The following HS2ST1 variants were observed in gnomAD, a reference collection of about 807,000 sequenced individuals.
The protein encoded by HS2ST1 is 2-O-sulfotransferase.
In HS2ST1, 18 loss-of-function variants were observed where a neutral mutation model predicts 42.9. The ratio of observed to expected loss-of-function variants is 0.42; its 90% confidence interval spans 0.29 to 0.62. The LOEUF is 0.62. Ranked by LOEUF, HS2ST1 falls within the 20% of genes least tolerant of loss-of-function variation. HS2ST1 has a pLI of 0.21. For synonymous variants in HS2ST1, 146 were observed against 152.9 expected, an observed-to-expected ratio of 0.95 and a Z score of 0.33; for missense variants, 334 against 433.8, an observed-to-expected ratio of 0.77 and a Z score of 2.04.
At chr1:87,071,109 C>T (rs1651393098) in intron 1 of HS2ST1, among the ~76,000 whole-genome samples, 1 of 152,160 alleles carries the variant, frequency 6.6e-6, no homozygotes, top group African/African-American at 2.4e-5. Context: ...ACGTATATCT[C>T]TCATATATGT....
intron 1 of HS2ST1, among the ~76,000 whole-genome samples, chr1:86,969,605 G>A (rs529817214): frequency 6.6e-6 from 1 of 152,138 alleles, no homozygotes; most frequent in Non-Finnish European, 1.5e-5. Flanking sequence ...AAGTAGAAGA[G>A]TTAATTTTAC....
At chr1:87,059,938 G>A (rs2100622020) in intron 1 of HS2ST1, among the ~76,000 whole-genome samples, 1 of 152,142 alleles carries the variant, frequency 6.6e-6, no homozygotes, top group South Asian at 2.1e-4. Context: ...AAAAACTTAG[G>A]CCCTATATTG....
chr1:86,928,962 C>T (rs1421155941), intron 1 of HS2ST1, among the ~76,000 whole-genome samples: 1 of 151,724 alleles, frequency 6.6e-6, no homozygotes. Flanking sequence ...TTTTCTTTTA[C>T]CCTAGGTTGG....
rs142087206 is a variant in HS2ST1 at position 87,077,514 on chromosome 1, A to G, written c.363+4342A>G. Among the ~76,000 whole-genome samples the G allele has an allele frequency of 5.2e-3, 788 of 152,288 alleles. 7 individuals are homozygous for G. Among genetic ancestry groups the G allele is most frequent in the African/African-American group, 0.018 (752 of 41,556 alleles). ...AAAACCATGCCTGGCCATCCTACAT[A>G]TTAATTACCTCTTCTAAGTTACTGT... On this transcript the variant is annotated intron_variant, in intron 2 of 6. Coordinates refer to ENST00000370550, the MANE Select transcript of HS2ST1 (RefSeq NM_012262.4).
chr1:86,983,102 T>G (rs531079540), intron 1 of HS2ST1, among the ~76,000 whole-genome samples: 18 of 152,216 alleles, frequency 1.2e-4, no homozygotes, highest in Admixed American at 2.6e-4. Context: ...TCTTTCTGTC[T>G]TTTCCTGAGC....
At chr1:86,946,664 A>G (rs1570438556) in intron 1 of HS2ST1, among the ~76,000 whole-genome samples, 1 of 152,332 alleles carries the variant, frequency 6.6e-6, no homozygotes. Context: ...ATCAGTAAGC[A>G]TAGGCCCCCC....
intron 1 of HS2ST1, among the ~76,000 whole-genome samples, chr1:86,963,159 T>C (rs1453655957): frequency 6.6e-6 from 1 of 151,584 alleles, no homozygotes; most frequent in African/African-American, 2.4e-5. Flanking sequence ...AAATCTTTTT[T>C]TTTGTATTTT....
intron 1 of HS2ST1, among the ~76,000 whole-genome samples, chr1:87,057,122 AT>A: frequency 1.3e-5 from 2 of 152,202 alleles, no homozygotes; most frequent in South Asian, 4.2e-4. Flanking sequence ...GTTACACTAA[AT>A]TTTTTTGCTT....
At chr1:87,060,847 C>G (rs1651101857) in intron 1 of HS2ST1, among the ~76,000 whole-genome samples, 1 of 151,922 alleles carries the variant, frequency 6.6e-6, no homozygotes, top group Non-Finnish European at 1.5e-5. Flanking sequence ...TTAGCAATAA[C>G]ACAAAAAGAA....
intron 1 of HS2ST1, among the ~76,000 whole-genome samples, chr1:87,057,288 C>CT (rs1650993899): frequency 6.6e-6 from 1 of 152,138 alleles, no homozygotes; most frequent in Non-Finnish European, 1.5e-5. Context: ...CCTTAACAAT[C>CT]TTTAAGTGTA....
At chr1:86,986,767 C>T (rs1198677057) in intron 1 of HS2ST1, among the ~76,000 whole-genome samples, 4 of 152,100 alleles carry the variant, frequency 2.6e-5, no homozygotes, top group African/African-American at 9.7e-5. Flanking sequence ...CTAGAGATTC[C>T]AGAATGAAAC....
chr1:87,026,129 A>G (rs1036847610), intron 1 of HS2ST1, among the ~76,000 whole-genome samples: 4 of 152,226 alleles, frequency 2.6e-5, no homozygotes, highest in Admixed American at 2.0e-4. Flanking sequence ...AAATGTGCAG[A>G]CGTAACTAAG....
intron 1 of HS2ST1, among the ~76,000 whole-genome samples, chr1:86,953,972 T>C (rs755342985): frequency 6.6e-6 from 1 of 150,404 alleles, no homozygotes; most frequent in African/African-American, 2.5e-5. Context: ...GTTCACTGTT[T>C]TATGTGGGCA....
intron 5 of HS2ST1, among the ~76,000 whole-genome samples, chr1:87,101,149 GTTTTTT>G (rs1207372395): frequency 3.4e-4 from 20 of 59,540 alleles, no homozygotes; most frequent in African/African-American, 1.2e-3. Context: ...GTGTGTGTGT[GTTTTTT>G]GTTTTTTTTT....
chr1:86,952,869 T>A (rs1410423686), intron 1 of HS2ST1, among the ~76,000 whole-genome samples: 1 of 152,078 alleles, frequency 6.6e-6, no homozygotes, highest in Non-Finnish European at 1.5e-5. Flanking sequence ...ATATGGTAAA[T>A]GAGCATTGGC....
At chr1:87,025,982 A>G (rs976392609) in intron 1 of HS2ST1, among the ~76,000 whole-genome samples, 2 of 152,224 alleles carry the variant, frequency 1.3e-5, no homozygotes, top group Admixed American at 6.5e-5. Context: ...TCTATGATTT[A>G]AAAGATACTG....
At chr1:86,945,660 A>T (rs1002089673) in intron 1 of HS2ST1, among the ~76,000 whole-genome samples, 1 of 152,232 alleles carries the variant, frequency 6.6e-6, no homozygotes, top group Non-Finnish European at 1.5e-5. Flanking sequence ...GATTACTTTA[A>T]CAGGGAAGAA....
chr1:86,980,680 T>C (rs920204538), intron 1 of HS2ST1, among the ~76,000 whole-genome samples: 1 of 152,218 alleles, frequency 6.6e-6, no homozygotes, highest in South Asian at 2.1e-4. Context: ...TATTGTGATT[T>C]ATACCAAGTA....
chr1:87,059,434 A>G (rs1651062641), intron 1 of HS2ST1, among the ~76,000 whole-genome samples: 1 of 152,246 alleles, frequency 6.6e-6, no homozygotes, highest in Admixed American at 6.5e-5. Context: ...CATTTGTTCA[A>G]TTTTGTACAA....
Sources: allele counts gnomAD v4.1 joint callset (sites outside exome capture counted in the v4.1 genomes callset), GRCh38; gene constraint gnomAD v4.1.1; transcripts MANE v1.5; gene names NCBI Gene and HGNC (gene_info 2026-07-23, HGNC 2026-07-21).